SYNGR1: variants seen among roughly 807,000 people sequenced by gnomAD.
SYNGR1 encodes the protein synaptogyrin 1.
In SYNGR1, 14 loss-of-function variants were observed where a neutral mutation model predicts 26.1. The observed-to-expected ratio is 0.54, with a 90% CI of 0.35 to 0.84. SYNGR1 has a LOEUF of 0.84. Ranked by LOEUF, SYNGR1 falls within the 40% of genes least tolerant of loss-of-function variation. The probability of loss-of-function intolerance (pLI) is 0.01; values close to 1 mark genes in which losing one functional copy is unlikely to be tolerated. For missense variants in SYNGR1, 319 were observed against 332.9 expected, an observed-to-expected ratio of 0.96 and a Z score of 0.33; for synonymous variants, 141 against 150.1, an observed-to-expected ratio of 0.94 and a Z score of 0.44.
At chr22:39,376,386 C>T (rs1285771351) in intron 3 of SYNGR1, among the ~76,000 whole-genome samples, 189 bp downstream of exon 3, 1 of 152,156 alleles carries the variant, frequency 6.6e-6, no homozygotes, top group African/African-American at 2.4e-5. Flanking sequence ...AGGCTACAGC[C>T]CTCGGGGGTA....
chr22:39,355,010 C>G (rs1047594652), intron 1 of SYNGR1, among the ~76,000 whole-genome samples: 3 of 152,174 alleles, frequency 2.0e-5, no homozygotes, highest in Admixed American at 2.0e-4. Flanking sequence ...AACCTCTGGC[C>G]AGTTCTGATG....
intron 2 of SYNGR1, 147 bp from the exon 3 acceptor site, chr22:39,375,905 C>T (rs757624639): frequency 9.4e-6 from 10 of 1,058,656 alleles, no homozygotes; most frequent in African/African-American, 1.6e-5. Context: ...TTCCCCTACC[C>T]CCTTTGCCTG....
At chr22:39,371,851 G>A (rs138714949) in intron 1 of SYNGR1, among the ~76,000 whole-genome samples, 1 of 152,120 alleles carries the variant, frequency 6.6e-6, no homozygotes, top group East Asian at 1.9e-4. Flanking sequence ...GACCAGTTGT[G>A]TGACTTTGGG....
chr22:39,364,277 G>A, intron 1 of SYNGR1: 3 of 1,613,994 alleles, frequency 1.9e-6, no homozygotes, highest in Non-Finnish European at 2.5e-6. Context: ...GTGAGCTGGA[G>A]GAGCAGGCCC....
At chr22:39,364,359 G>T in intron 1 of SYNGR1, 2 of 1,612,626 alleles carry the variant, frequency 1.2e-6, no homozygotes, top group South Asian at 2.2e-5. Flanking sequence ...TAGCCTCCCT[G>T]ACTGTGAAAT....
intron 1 of SYNGR1, among the ~76,000 whole-genome samples, chr22:39,361,314 G>A (rs1297286286): frequency 6.6e-6 from 1 of 152,000 alleles, no homozygotes; most frequent in East Asian, 1.9e-4. Context: ...GGCAGGCACT[G>A]GGGTGAGGAA....
At chr22:39,376,006 C>T (rs778657921) in intron 2 of SYNGR1, 46 bp from the exon 3 acceptor site, 2 of 1,613,632 alleles carry the variant, frequency 1.2e-6, no homozygotes, top group African/African-American at 2.7e-5. Context: ...CACCCTCTCC[C>T]CCATGTGTGG....
rs1923869753 is a variant in SYNGR1, at chr22:39,350,770, C to T, written c.99+661C>T. 1.3e-5 allele frequency among the ~76,000 whole-genome samples: 2 copies of T among 152,188 alleles called. No homozygotes were observed. Among genetic ancestry groups the T allele is most frequent in the African/African-American group, 4.8e-5 (2 of 41,442 alleles). On this transcript the variant is annotated intron_variant, in intron 1 of 3. Coordinates refer to ENST00000328933, the MANE Select transcript of SYNGR1 (RefSeq NM_004711.5). The surrounding 1 kb of genome is among the most constrained non-coding windows in gnomAD (Gnocchi z 4.3). ...GAGTGTCATCTCCTCTCTCATGCCT[C>T]AGTTTCCCAATTTATAGACAAGGTG...
intron 1 of SYNGR1, among the ~76,000 whole-genome samples, chr22:39,362,234 A>G (rs1924510263): frequency 6.6e-6 from 1 of 152,046 alleles, no homozygotes; most frequent in South Asian, 2.1e-4. Flanking sequence ...GGAAAGAGGG[A>G]GGGGCCTGCA....
intron 1 of SYNGR1, among the ~76,000 whole-genome samples, chr22:39,372,219 C>T (rs900842318): frequency 2.0e-5 from 3 of 150,334 alleles, no homozygotes; most frequent in South Asian, 2.1e-4. Flanking sequence ...GCAACCTCCA[C>T]CTCCTGGGTT....
At chr22:39,379,150 G>A (rs11914153) in intron 3 of SYNGR1, among the ~76,000 whole-genome samples, 6,548 of 152,160 alleles carry the variant, frequency 0.043, 456 homozygotes, top group African/African-American at 0.14. Flanking sequence ...TTCAGGCTCC[G>A]GCGTCTGAGC....
At chr22:39,379,644 A>AAT (rs369900045) in intron 3 of SYNGR1, 2 of 15,790 alleles carry the variant, frequency 1.3e-4, no homozygotes, top group Non-Finnish European at 2.6e-4. Context: ...AAAAAAAAAA[A>AAT]GAAAAAAAAA....
intron 3 of SYNGR1, among the ~76,000 whole-genome samples, chr22:39,380,906 TTGTCGC>T (rs2145635449): frequency 6.6e-6 from 1 of 151,938 alleles, no homozygotes; most frequent in Non-Finnish European, 1.5e-5. Context: ...CAAGCATGAG[TTGTCGC>T]GCCTGGCCTC....
chr22:39,378,838 C>T (rs1677122994), intron 3 of SYNGR1, among the ~76,000 whole-genome samples: 1 of 152,248 alleles, frequency 6.6e-6, no homozygotes, highest in African/African-American at 2.4e-5. Context: ...CTCTCCTTTG[C>T]TCCTGTCTTG....
intron 3 of SYNGR1, among the ~76,000 whole-genome samples, chr22:39,379,326 T>C (rs1248479545): frequency 1.3e-5 from 2 of 152,322 alleles, no homozygotes; most frequent in East Asian, 3.9e-4. Flanking sequence ...CTTTGGTCAA[T>C]GAGTACAATC....
intron 1 of SYNGR1, chr22:39,364,355 C>G: frequency 6.2e-7 from 1 of 1,613,016 alleles, no homozygotes; most frequent in Non-Finnish European, 8.5e-7. Context: ...GCCTTAGCCT[C>G]CCTGACTGTG....
intron 3 of SYNGR1, chr22:39,378,375 T>TCATC: frequency 1.0e-6 from 1 of 965,442 alleles, no homozygotes; most frequent in East Asian, 1.1e-4. Flanking sequence ...GCTCTTTTGT[T>TCATC]CATTCATTCA....
chr22:39,351,323 G>C (rs900238175), intron 1 of SYNGR1, among the ~76,000 whole-genome samples: 3 of 152,154 alleles, frequency 2.0e-5, no homozygotes, highest in Non-Finnish European at 4.4e-5. Context: ...GGATGGCTTG[G>C]GTATGTATCC....
chr22:39,362,236 G>C (rs571395649), intron 1 of SYNGR1, among the ~76,000 whole-genome samples: 1 of 152,260 alleles, frequency 6.6e-6, no homozygotes, highest in East Asian at 1.9e-4. Context: ...AAAGAGGGAG[G>C]GGCCTGCAGA....
Sources: allele counts gnomAD v4.1 joint callset (sites outside exome capture counted in the v4.1 genomes callset), GRCh38; gene constraint gnomAD v4.1.1; non-coding constraint Gnocchi (gnomAD v3.1); transcripts MANE v1.5; gene names NCBI Gene and HGNC (gene_info 2026-07-23, HGNC 2026-07-21).